NDUFAF2: variants seen among roughly 807,000 people sequenced by gnomAD.
NDUFAF2 encodes the protein NADH dehydrogenase [ubiquinone] 1 alpha subcomplex assembly factor 2.
Under a neutral mutation model 22.8 loss-of-function variants are expected in NDUFAF2, and 13 were observed. The ratio of observed to expected loss-of-function variants is 0.57; its 90% CI spans 0.37 to 0.91. The LOEUF (loss-of-function observed/expected upper bound fraction) is 0.91, where lower values mean the gene tolerates loss of function less well. NDUFAF2 is among the 40% of genes least tolerant of loss of function. The pLI, the probability that NDUFAF2 is intolerant of heterozygous loss-of-function variation, is 0.01. For synonymous variants in NDUFAF2, 53 were observed against 64.2 expected (o/e 0.83, Z 0.84); for missense variants, 162 against 195.2 (o/e 0.83, Z 1.01).
intron 1 of NDUFAF2, among the ~76,000 whole-genome samples, chr5:61,028,332 T>G (rs554975204): frequency 1.3e-4 from 20 of 152,222 alleles, no homozygotes; most frequent in African/African-American, 4.1e-4. Context: ...ATTAGAAGTC[T>G]GAAATGATGC....
At chr5:61,098,947 G>A (rs955806553) in intron 2 of NDUFAF2, 45 bp from the exon 3 acceptor site, 2 of 1,530,216 alleles carry the variant, frequency 1.3e-6, no homozygotes, top group African/African-American at 1.4e-5. Context: ...AAATGTTTGT[G>A]TAAATTATGG....
intron 3 of NDUFAF2, among the ~76,000 whole-genome samples, chr5:61,101,299 CTT>C (rs1752702707): frequency 6.6e-6 from 1 of 152,134 alleles, no homozygotes; most frequent in Admixed American, 6.6e-5. Context: ...CCTTCTCTCT[CTT>C]GACAAAAGAA....
intron 1 of NDUFAF2, among the ~76,000 whole-genome samples, chr5:60,992,803 G>T (rs1266607679): frequency 6.6e-6 from 1 of 152,008 alleles, no homozygotes; most frequent in Non-Finnish European, 1.5e-5. Flanking sequence ...TGCTATTCAA[G>T]TTTAAAAATT....
intron 1 of NDUFAF2, among the ~76,000 whole-genome samples, chr5:61,013,505 CTAGT>C (rs1751467626): frequency 6.6e-6 from 1 of 151,932 alleles, no homozygotes; most frequent in Non-Finnish European, 1.5e-5. Context: ...TTATTTCTAA[CTAGT>C]TATTCTTTTT....
intron 2 of NDUFAF2, among the ~76,000 whole-genome samples, chr5:61,089,475 T>C (rs1752541671): frequency 6.6e-6 from 1 of 152,130 alleles, no homozygotes; most frequent in Non-Finnish European, 1.5e-5. Context: ...ATTTGTTGTA[T>C]GTAGTAGTTG....
At position 60,994,900 on chromosome 5, in the gene NDUFAF2, C is replaced by T. The variant is rs162245; in HGVS notation, c.127+49518C>T. On this transcript the variant is annotated intron_variant, in intron 1 of 3. Transcript: ENST00000296597. ...GTTTTTTATTTTTTTTCTTTTGTCTCCTCTGATTGTGTATTTTCAAGTAGC... is the reference window on the plus strand; with the variant it reads ...GTTTTTTATTTTTTTTCTTTTGTCTTCTCTGATTGTGTATTTTCAAGTAGC... 6.8e-3 allele frequency among the ~76,000 whole-genome samples: 1,028 copies of T among 151,688 alleles called. 1 individual carries two copies. The highest frequency in any genetic ancestry group is 0.01 in the Middle Eastern group (3 of 294).
intron 3 of NDUFAF2, 133 bp from the exon 4 acceptor site, chr5:61,152,571 A>G (rs977493680): frequency 6.8e-6 from 4 of 588,414 alleles, no homozygotes; most frequent in Non-Finnish European, 7.9e-6. Context: ...ACATATCTGT[A>G]TATTATTTAA....
chr5:60,996,428 G>A (rs1029809547), intron 1 of NDUFAF2, among the ~76,000 whole-genome samples: 2 of 152,042 alleles, frequency 1.3e-5, no homozygotes, highest in Admixed American at 6.6e-5. Context: ...GTAAGACAGA[G>A]TCCTCCCGAC....
rs111568747 is a variant in NDUFAF2, at chr5:61,108,680, A to C, written c.258+9648A>C. On this transcript the variant is annotated intron_variant, in intron 3 of 3. Transcript: ENST00000296597. The stretch of plus-strand genomic sequence containing the variant: ...CCTCATTTCATTCTTCCACATATAG[A>C]TATCCAGTTTTCCCAGCACCATTTA... Among the ~76,000 whole-genome samples the C allele has an allele frequency of 8.5e-3, 1,293 of 152,008 alleles. 52 individuals carry two copies. The highest frequency in any genetic ancestry group is 0.03 in the African/African-American group (1,238 of 41,348).
intron 1 of NDUFAF2, among the ~76,000 whole-genome samples, chr5:61,022,430 T>A (rs1424561282): frequency 2.0e-5 from 3 of 152,212 alleles, no homozygotes; most frequent in Non-Finnish European, 4.4e-5. Context: ...CAGACCTGAA[T>A]GATGGTTTAA....
chr5:61,071,028 A>T (rs1000615420), intron 1 of NDUFAF2, among the ~76,000 whole-genome samples: 2 of 152,190 alleles, frequency 1.3e-5, no homozygotes, highest in Admixed American at 1.3e-4. Context: ...GCTTACTTTA[A>T]TATATGCTAA....
At chr5:61,125,645 G>A (rs1052225255) in intron 3 of NDUFAF2, among the ~76,000 whole-genome samples, 1 of 152,022 alleles carries the variant, frequency 6.6e-6, no homozygotes, top group African/African-American at 2.4e-5. Context: ...TATTGACAAG[G>A]CAGATGGTTT....
At chr5:61,030,551 G>C (rs955023487) in intron 1 of NDUFAF2, among the ~76,000 whole-genome samples, 3 of 151,740 alleles carry the variant, frequency 2.0e-5, no homozygotes, top group Admixed American at 6.6e-5. Flanking sequence ...CTTTAATTTA[G>C]GTCTTTTATA....
At chr5:60,951,321 T>G (rs984035098) in intron 1 of NDUFAF2, among the ~76,000 whole-genome samples, 1 of 152,210 alleles carries the variant, frequency 6.6e-6, no homozygotes, top group Non-Finnish European at 1.5e-5. Flanking sequence ...GTAAACCAGA[T>G]GCCTGGCCAT....
At chr5:61,131,301 T>C (rs1753108711) in intron 3 of NDUFAF2, among the ~76,000 whole-genome samples, 1 of 151,742 alleles carries the variant, frequency 6.6e-6, no homozygotes, top group African/African-American at 2.4e-5. Flanking sequence ...GCTCAAGCAA[T>C]TCATCCTCTT....
At chr5:61,024,942 C>T (rs1221198608) in intron 1 of NDUFAF2, among the ~76,000 whole-genome samples, 2 of 151,870 alleles carry the variant, frequency 1.3e-5, no homozygotes, top group Non-Finnish European at 2.9e-5. Flanking sequence ...TAATTGTATT[C>T]TCCCCTCTGC....
At chr5:61,033,475 C>T (rs1751754104) in intron 1 of NDUFAF2, among the ~76,000 whole-genome samples, 1 of 152,160 alleles carries the variant, frequency 6.6e-6, no homozygotes, top group Admixed American at 6.5e-5. Flanking sequence ...TCTTATTCCA[C>T]ATGAAACCTA....
intron 1 of NDUFAF2, among the ~76,000 whole-genome samples, chr5:61,032,805 A>T (rs1462747987): frequency 6.6e-6 from 1 of 151,720 alleles, no homozygotes; most frequent in Non-Finnish European, 1.5e-5. Flanking sequence ...AATCTGTATA[A>T]ATTTTGGGAC....
intron 1 of NDUFAF2, among the ~76,000 whole-genome samples, chr5:61,056,615 C>T (rs967429530): frequency 5.3e-5 from 8 of 151,786 alleles, no homozygotes; most frequent in Admixed American, 1.3e-4. Flanking sequence ...TGGCTGGGCA[C>T]GGTGGCCCAC....
Sources: allele counts gnomAD v4.1 joint callset (sites outside exome capture counted in the v4.1 genomes callset), GRCh38; gene constraint gnomAD v4.1.1; transcripts MANE v1.5; gene names NCBI Gene and HGNC (gene_info 2026-07-23, HGNC 2026-07-21).